The following GPC3 variants were observed in gnomAD, a reference collection of about 807,000 sequenced individuals.
The protein encoded by GPC3 is glypican-3.
In GPC3, 3 loss-of-function variants were observed where a neutral mutation model predicts 34.4. The ratio of observed to expected loss-of-function variants is 0.09; its 90% CI spans 0.04 to 0.23. GPC3 has a LOEUF of 0.23. Among genes scored for constraint, GPC3 ranks in the 10% least tolerant of loss-of-function variants. The pLI is 1.00. For synonymous variants in GPC3, 177 were observed against 174.0 expected (o/e 1.02, Z -0.13); for missense variants, 351 against 445.6 (o/e 0.79, Z 1.91).
At chrX:133,564,509 CTAGGAGTATGATA>C (rs1403636407) in intron 7 of GPC3, among the ~76,000 whole-genome samples, 3 of 111,644 alleles carry the variant, frequency 2.7e-5, no homozygotes, top group Non-Finnish European at 5.6e-5. Flanking sequence ...TACACACACT[CTAGGAGTATGATA>C]TAGATCAGTG....
intron 6 of GPC3, among the ~76,000 whole-genome samples, chrX:133,624,418 C>T (rs1011448706): frequency 1.8e-5 from 2 of 110,912 alleles, no homozygotes; most frequent in Non-Finnish European, 3.8e-5. Flanking sequence ...ACTAGCAAGA[C>T]TAATAAAGAA....
At chrX:133,878,546 G>C (rs1207018091) in intron 2 of GPC3, among the ~76,000 whole-genome samples, 1 of 112,524 alleles carries the variant, frequency 8.9e-6, no homozygotes, top group African/African-American at 3.2e-5. Context: ...GAAAAGAACT[G>C]TGCTGAATTA....
chrX:133,734,009 G>T (rs182246489), intron 3 of GPC3, among the ~76,000 whole-genome samples: 1 of 112,007 alleles, frequency 8.9e-6, no homozygotes, highest in East Asian at 2.8e-4. Flanking sequence ...CCAAATAGAA[G>T]ATCTTTAGAA....
At chrX:133,869,288 T>G (rs1350603785) in intron 2 of GPC3, among the ~76,000 whole-genome samples, 1 of 112,163 alleles carries the variant, frequency 8.9e-6, no homozygotes, top group Non-Finnish European at 1.9e-5. Context: ...AAGAGTCATC[T>G]TAGATCAGAT....
chrX:133,887,069 C>T (rs1410880046), intron 2 of GPC3, among the ~76,000 whole-genome samples: 2 of 112,234 alleles, frequency 1.8e-5, no homozygotes, highest in African/African-American at 6.5e-5. Flanking sequence ...TGCAGTGGCA[C>T]GATCATGGCT....
At chrX:133,910,516 T>C (rs1379206136) in intron 2 of GPC3, among the ~76,000 whole-genome samples, 1 of 112,104 alleles carries the variant, frequency 8.9e-6, no homozygotes, top group East Asian at 2.8e-4. Context: ...TTTTTGAAAA[T>C]GGAAATTTTG....
chrX:133,787,413 T>A (rs767445857), intron 2 of GPC3, among the ~76,000 whole-genome samples: 1 of 112,694 alleles, frequency 8.9e-6, no homozygotes, highest in Non-Finnish European at 1.9e-5. Flanking sequence ...CTTTCAGGAT[T>A]TTTTTCCCCA....
chrX:133,879,412 T>C (rs911235333), intron 2 of GPC3, among the ~76,000 whole-genome samples: 3 of 111,071 alleles, frequency 2.7e-5, no homozygotes, highest in African/African-American at 9.8e-5. Context: ...ATTCTAAAAT[T>C]AGTGATATTG....
rs760091400 is a variant in GPC3, at chrX:133,810,917, C to T, written c.338-56741G>A. On this transcript the variant is annotated intron_variant, in intron 2 of 7. Transcript: ENST00000370818. The stretch of plus-strand genomic sequence containing the variant: ...GGCCTAGAAGATAGAAGACCTAAAT[C>T]AGAACCAGGCATTACTGGTTCAGTC... 2.8e-5 allele frequency among the ~76,000 whole-genome samples: 3 copies of T among 106,197 alleles called. No individual in the cohort carries two copies. The South Asian group carries it at 1.3e-3, about 46-fold the overall frequency. 92.2% of individuals were successfully genotyped at this position (106,197 alleles called of 115,157 possible).
intron 7 of GPC3, among the ~76,000 whole-genome samples, chrX:133,575,747 A>G (rs2069673911): frequency 8.9e-6 from 1 of 111,831 alleles, no homozygotes; most frequent in Non-Finnish European, 1.9e-5. Context: ...TGTACTGTGG[A>G]TCAATAATTA....
chrX:133,701,192 T>C (rs1004204018), intron 3 of GPC3, among the ~76,000 whole-genome samples: 2 of 111,623 alleles, frequency 1.8e-5, no homozygotes, highest in African/African-American at 6.5e-5. Flanking sequence ...TCTTAGTAGA[T>C]TTGCTACTTT....
intron 5 of GPC3, among the ~76,000 whole-genome samples, chrX:133,668,540 G>A (rs1426277072): frequency 9.0e-6 from 1 of 110,527 alleles, no homozygotes; most frequent in Non-Finnish European, 1.9e-5. Flanking sequence ...TGAAGGCAGA[G>A]GCTTGGTTAG....
intron 2 of GPC3, among the ~76,000 whole-genome samples, chrX:133,842,087 C>T (rs1376829306): frequency 4.5e-5 from 5 of 111,681 alleles, no homozygotes; most frequent in Admixed American, 3.8e-4. Flanking sequence ...GAGACAGAGG[C>T]GGGCAGATCA....
chrX:133,610,235 G>T (rs2070095752), intron 6 of GPC3, among the ~76,000 whole-genome samples: 1 of 111,403 alleles, frequency 9.0e-6, no homozygotes, highest in Non-Finnish European at 1.9e-5. Context: ...GGTGGATAGG[G>T]TGTGCACATT....
intron 1 of GPC3, among the ~76,000 whole-genome samples, chrX:133,975,987 C>T (rs1042879809): frequency 3.6e-5 from 4 of 111,309 alleles, no homozygotes; most frequent in African/African-American, 1.3e-4. Flanking sequence ...CCAAAGTGGG[C>T]CAAATTAGCA....
chrX:133,799,577 T>C (rs2075598824), intron 2 of GPC3, among the ~76,000 whole-genome samples: 1 of 111,606 alleles, frequency 9.0e-6, no homozygotes, highest in African/African-American at 3.3e-5. Flanking sequence ...ACATAGCTTT[T>C]GTACGTGCTG....
At chrX:133,649,012 C>T (rs772435020) in intron 6 of GPC3, among the ~76,000 whole-genome samples, 7 of 112,018 alleles carry the variant, frequency 6.2e-5, no homozygotes, top group Non-Finnish European at 1.3e-4. Context: ...GGCATGTTTT[C>T]ATCACCCTCA....
intron 3 of GPC3, among the ~76,000 whole-genome samples, chrX:133,724,201 A>C (rs1274363133): frequency 1.8e-5 from 2 of 112,151 alleles, no homozygotes; most frequent in Non-Finnish European, 3.8e-5. Flanking sequence ...CAGGATCTAC[A>C]ACTTCAAAGC....
intron 5 of GPC3, among the ~76,000 whole-genome samples, chrX:133,673,628 G>T (rs1240515798): frequency 8.9e-6 from 1 of 112,382 alleles, no homozygotes. Context: ...GGTGGAAAGA[G>T]CACTGGCCTT....
Sources: allele counts gnomAD v4.1 joint callset (sites outside exome capture counted in the v4.1 genomes callset), GRCh38; gene constraint gnomAD v4.1.1; transcripts MANE v1.5; gene names NCBI Gene and HGNC (gene_info 2026-07-23, HGNC 2026-07-21).